PCDH10: variants seen among roughly 807,000 people sequenced by gnomAD.
The protein encoded by PCDH10 is protocadherin-10.
A neutral mutation model predicts 74.4 loss-of-function variants in PCDH10; 15 were observed. That is an observed-to-expected ratio of 0.20 (90% CI 0.13 to 0.31). The LOEUF (loss-of-function observed/expected upper bound fraction) is 0.31. PCDH10 is among the 10% of genes least tolerant of loss of function. The pLI, the probability that PCDH10 is intolerant of heterozygous loss-of-function variation, is 1.00. For synonymous variants in PCDH10, 619 were observed against 589.8 expected, an observed-to-expected ratio of 1.05 and a Z score of -0.72; for missense variants, 1,260 against 1,390.2, an observed-to-expected ratio of 0.91 and a Z score of 1.49.
At chr4:133,165,344 G>A (rs1727056277) in intron 4 of PCDH10, among the ~76,000 whole-genome samples, 1 of 149,672 alleles carries the variant, frequency 6.7e-6, no homozygotes, top group Admixed American at 6.7e-5. Context: ...TGTCATCTTA[G>A]AGTCATCCAA....
intron 4 of PCDH10, among the ~76,000 whole-genome samples, chr4:133,180,596 G>C (rs1727396337): frequency 6.6e-6 from 1 of 151,938 alleles, no homozygotes; most frequent in African/African-American, 2.4e-5. Context: ...AAGCATATAT[G>C]TGAGTATACA....
intron 2 of PCDH10, among the ~76,000 whole-genome samples, chr4:133,205,391 T>C (rs546136291): frequency 6.6e-6 from 1 of 152,318 alleles, no homozygotes; most frequent in East Asian, 1.9e-4. Flanking sequence ...GGACCATTTT[T>C]GTAAATAAAC....
rs1176213872 is a variant in PCDH10, at chr4:133,193,851, G to A, written c.*3691G>A. ...TCAAGTCTAATTTTGTAGTGGTAAA[G>A]GCTTTGCACTTAACATCCTTTTGTG... is the stretch of plus-strand genomic sequence containing the variant. On this transcript the variant is annotated 3_prime_UTR_variant, in exon 5 of 5. Coordinates refer to ENST00000264360, the MANE Select transcript of PCDH10 (RefSeq NM_032961.3). 2 of 151,516 alleles carry A rather than the reference G, an allele frequency of 1.3e-5. No individual in the cohort carries two copies. The highest frequency in any genetic ancestry group is 4.8e-5 in the African/African-American group (2 of 41,340). The allele number at this position is 151,516 out of a possible 1,614,324, so 9.4% of individuals were successfully genotyped here. A position where few individuals can be genotyped will look rare whatever the true frequency, so the allele number is the denominator to read the frequency against.
intron 4 of PCDH10, among the ~76,000 whole-genome samples, chr4:133,176,356 T>C (rs953336395): frequency 3.3e-5 from 5 of 152,136 alleles, no homozygotes; most frequent in Non-Finnish European, 7.3e-5. Context: ...ATCTGTGACA[T>C]GCATCCTCCA....
rs1258456966 is a variant in PCDH10, at chr4:133,163,254, G to A, written c.3075G>A (p.Thr1025=). The A allele has an allele frequency of 1.2e-5, 20 of 1,613,206 alleles. No individual in the cohort carries two copies. Among genetic ancestry groups the A allele is most frequent in the Admixed American group, 1.7e-5 (1 of 59,906 alleles). The change falls in exon 4 of 5, where the codon ACG becomes ACA. Residue 1025 remains threonine, a synonymous_variant. Transcript: ENST00000264360. The stretch of plus-strand genomic sequence containing the variant: ...AGCTGGATGGACTGCTGACTAATAC[G>A]CGAGCGCCTTACAAACCACCATATT... ...RKELDGLLTN[T]RAPYKPPYLT...
chr4:133,173,615 A>T (rs1727239481), intron 4 of PCDH10, among the ~76,000 whole-genome samples: 1 of 152,034 alleles, frequency 6.6e-6, no homozygotes, highest in Admixed American at 6.6e-5. Flanking sequence ...AAGATGAAGA[A>T]GAGACAATTG....
intron 4 of PCDH10, among the ~76,000 whole-genome samples, chr4:133,189,168 AC>A (rs1453661382): frequency 6.6e-6 from 1 of 152,132 alleles, no homozygotes; most frequent in Non-Finnish European, 1.5e-5. Context: ...AAAAAAAGCA[AC>A]CATTTATGAG....
At chr4:133,168,215 G>A (rs72715790) in intron 4 of PCDH10, among the ~76,000 whole-genome samples, 29,135 of 150,950 alleles carry the variant, frequency 0.19, 3,265 homozygotes, top group Admixed American at 0.31. Context: ...AATTTAAAGT[G>A]AAAGGTATAA....
At chr4:133,171,654 T>G (rs1727205683) in intron 4 of PCDH10, among the ~76,000 whole-genome samples, 1 of 152,130 alleles carries the variant, frequency 6.6e-6, no homozygotes, top group South Asian at 2.1e-4. Context: ...TAGATTTAAT[T>G]TGAATGGTAG....
chr4:133,158,486 T>C (rs1726907851), intron 3 of PCDH10, among the ~76,000 whole-genome samples: 1 of 152,164 alleles, frequency 6.6e-6, no homozygotes, highest in Admixed American at 6.6e-5. Flanking sequence ...CAATAATTTT[T>C]TCTTTCAGTT....
chr4:133,154,890 C>A, intron 2 of PCDH10, 27 bp from the exon 3 acceptor site: 1 of 1,430,400 alleles, frequency 7.0e-7, no homozygotes, highest in South Asian at 1.1e-5. Flanking sequence ...CTTTTTTATT[C>A]TAATATTCAC....
intron 3 of PCDH10, among the ~76,000 whole-genome samples, chr4:133,155,582 C>G (rs1726849748): frequency 6.6e-6 from 1 of 152,146 alleles, no homozygotes; most frequent in African/African-American, 2.4e-5. Flanking sequence ...GAGTCTTAGG[C>G]TTCAGAACGT....
rs574153050 is a variant in PCDH10 at position 133,170,673 on chromosome 4, C to T, written c.3103+7391C>T. ...TGAGAAACAGATACATGATTCAATT[C>T]ATTTTAGTGTATTCTTTTTGTTTTT... On this transcript the variant is annotated intron_variant, in intron 4 of 4. Transcript: ENST00000264360. Among the ~76,000 whole-genome samples the T allele has an allele frequency of 1.4e-4, 22 of 151,926 alleles. No homozygotes were observed. In the East Asian group the frequency reaches 4.3e-3, roughly 29 times the overall value.
At chr4:133,163,926 A>G in intron 4 of PCDH10, 1 of 446,564 alleles carries the variant, frequency 2.2e-6, no homozygotes, top group Non-Finnish European at 4.5e-6. Context: ...TTTATGAAGT[A>G]TAACGTGAAA....
intron 2 of PCDH10, 42 bp downstream of exon 2, chr4:133,154,407 A>G (rs751803763): frequency 8.5e-7 from 1 of 1,172,054 alleles, no homozygotes; most frequent in Non-Finnish European, 1.2e-6. Context: ...GACAATTTAC[A>G]ACCTAGTAAA....
rs1560716555 is a variant in PCDH10 at position 133,191,998 on chromosome 4, T to TACACACACACACACAC, written c.*1839_*1840insCACACACACACACACA. On this transcript the variant is annotated 3_prime_UTR_variant, in exon 5 of 5. Coordinates refer to ENST00000264360, the MANE Select transcript of PCDH10 (RefSeq NM_032961.3). Reference sequence around the variant, plus strand: ...ACACACACACACACACACACACACTTAGGTCCTGATATGTACATTTAGAGT... The same window carrying TACACACACACACACAC: ...ACACACACACACACACACACACACTTACACACACACACACACAGGTCCTGATATGTACATTTAGAGT... 88 of 133,186 alleles carry TACACACACACACACAC rather than the reference T, an allele frequency of 6.6e-4. No individual in the cohort carries two copies. Among genetic ancestry groups the TACACACACACACACAC allele is most frequent in the African/African-American group, 2.5e-3 (84 of 33,950 alleles). 8.3% of individuals were successfully genotyped at this position (133,186 alleles called of 1,614,324 possible). A position where few individuals can be genotyped will look rare whatever the true frequency, so the allele number is the denominator to read the frequency against.
intron 4 of PCDH10, among the ~76,000 whole-genome samples, chr4:133,174,195 G>T (rs1254703332): frequency 6.6e-6 from 1 of 151,854 alleles, no homozygotes; most frequent in African/African-American, 2.4e-5. Flanking sequence ...ATCATCCAAA[G>T]TCATAATTGC....
intron 4 of PCDH10, among the ~76,000 whole-genome samples, chr4:133,171,846 G>T (rs1727209251): frequency 6.6e-6 from 1 of 151,824 alleles, no homozygotes; most frequent in African/African-American, 2.4e-5. Context: ...TTAGTCACTA[G>T]TAGTACAGAT....
chr4:133,204,190 T>A (rs1027504328), intron 2 of PCDH10, among the ~76,000 whole-genome samples: 3 of 152,218 alleles, frequency 2.0e-5, no homozygotes, highest in Non-Finnish European at 4.4e-5. Context: ...TGGCTACCCT[T>A]GCCTGAACGG....
Sources: gnomAD v4.1 joint callset for allele counts (sites outside exome capture counted in the v4.1 genomes callset) on GRCh38, gnomAD v4.1.1 for gene constraint, MANE v1.5 for transcripts, NCBI Gene and HGNC (gene_info 2026-07-23, HGNC 2026-07-21) for gene names.